Variants in SLC13A1 observed in about 807,000 individuals in gnomAD.
The protein encoded by SLC13A1 is solute carrier family 13 member 1.
A neutral mutation model predicts 70.0 loss-of-function variants in SLC13A1; 65 were observed. The ratio of observed to expected loss-of-function variants is 0.93; its 90% CI spans 0.76 to 1.14. The LOEUF (loss-of-function observed/expected upper bound fraction) is 1.14, where lower values mean the gene tolerates loss of function less well. SLC13A1 is among the 50% of genes most tolerant of loss of function. The pLI is 0.00. For missense variants in SLC13A1, 726 were observed against 717.8 expected, an observed-to-expected ratio of 1.01 and a Z score of -0.13; for synonymous variants, 275 against 250.5, an observed-to-expected ratio of 1.10 and a Z score of -0.92.
In SLC13A1 at chr7:123,147,251, C is replaced by G. The variant is rs142604571; in HGVS notation, c.720G>C (p.Thr240=). The G allele has an allele frequency of 6.2e-7, 1 of 1,613,536 alleles. No homozygotes were observed. The highest frequency in any genetic ancestry group is 1.3e-5 in the African/African-American group (1 of 74,902). The change falls in exon 7 of 15, where the codon ACG becomes ACC. Residue 240 remains threonine (T), a synonymous_variant. Coordinates refer to ENST00000194130, the MANE Select transcript of SLC13A1 (RefSeq NM_022444.4). The stretch of plus-strand genomic sequence containing the variant: ...TAGAAGAGTAGGCAATGCACAAACA[C>G]GTAAGTTTACGTGTCACGTGGCCCT... ...TKKGHVTRKL[T]CLCIAYSSTI...
chr7:123,173,708 T>C (rs968366051), intron 2 of SLC13A1, among the ~76,000 whole-genome samples: 2 of 152,192 alleles, frequency 1.3e-5, no homozygotes, highest in African/African-American at 4.8e-5. Flanking sequence ...TCTGTTTTGC[T>C]AGCCAAACCA....
intron 6 of SLC13A1, among the ~76,000 whole-genome samples, chr7:123,158,021 G>A (rs1794768933): frequency 6.6e-6 from 1 of 152,054 alleles, no homozygotes; most frequent in South Asian, 2.1e-4. Flanking sequence ...AAGAGAAATA[G>A]CAATATAATT....
chr7:123,122,368 A>G (rs1273406466), intron 12 of SLC13A1, among the ~76,000 whole-genome samples: 2 of 152,184 alleles, frequency 1.3e-5, no homozygotes, highest in African/African-American at 4.8e-5. Context: ...GAATATTTCA[A>G]ATAAGTCTAT....
In SLC13A1 at chr7:123,130,564, G is replaced by T. The variant is rs138243258; in HGVS notation, c.933-1083C>A. Among the ~76,000 whole-genome samples, 384 of 152,196 alleles carry T rather than the reference G, an allele frequency of 2.5e-3. 1 individual carries two copies. The highest frequency in any genetic ancestry group is 8.6e-3 in the African/African-American group (358 of 41,540). Reference sequence around the variant, plus strand: ...GAACAACACACACTGGGGCCTGTCAGGGGTGTGGAGGGAGGGAGAGCATCA... The same window carrying T: ...GAACAACACACACTGGGGCCTGTCATGGGTGTGGAGGGAGGGAGAGCATCA... On this transcript the variant is annotated intron_variant, in intron 8 of 14. Coordinates refer to ENST00000194130, the MANE Select transcript of SLC13A1 (RefSeq NM_022444.4).
chr7:123,173,584 T>C (rs1332137979), intron 2 of SLC13A1, among the ~76,000 whole-genome samples: 1 of 152,124 alleles, frequency 6.6e-6, no homozygotes, highest in Non-Finnish European at 1.5e-5. Context: ...TATATTTTTC[T>C]GTATCATAGA....
At chr7:123,198,060 A>G (rs990889955) in intron 1 of SLC13A1, among the ~76,000 whole-genome samples, 6 of 152,084 alleles carry the variant, frequency 3.9e-5, no homozygotes, top group Admixed American at 2.0e-4. Context: ...ACTCAAAAAT[A>G]TTAAAATATA....
intron 7 of SLC13A1, among the ~76,000 whole-genome samples, chr7:123,136,459 A>G (rs1035748899): frequency 2.6e-5 from 4 of 152,154 alleles, no homozygotes; most frequent in Non-Finnish European, 5.9e-5. Flanking sequence ...TTTTGCTGTG[A>G]TGTTCCTTTT....
At chr7:123,129,544 G>A in intron 8 of SLC13A1, 63 bp from the exon 9 acceptor site, 1 of 1,273,530 alleles carries the variant, frequency 7.9e-7, no homozygotes, top group South Asian at 1.2e-5. Context: ...CTGTAAGGAA[G>A]ATATTTTTGT....
intron 6 of SLC13A1, among the ~76,000 whole-genome samples, chr7:123,147,726 G>T (rs1015820038): frequency 1.3e-5 from 2 of 152,152 alleles, no homozygotes; most frequent in African/African-American, 4.8e-5. Context: ...GGTGATATGA[G>T]CTGACTAATA....
intron 3 of SLC13A1, among the ~76,000 whole-genome samples, chr7:123,170,975 C>A (rs574466418): frequency 6.6e-6 from 1 of 151,290 alleles, no homozygotes; most frequent in Admixed American, 6.6e-5. Flanking sequence ...TTGTATTTAG[C>A]AAAACAATTT....
At chr7:123,116,923 G>A (rs893433035) in intron 14 of SLC13A1, among the ~76,000 whole-genome samples, 3 of 152,092 alleles carry the variant, frequency 2.0e-5, no homozygotes, top group Non-Finnish European at 4.4e-5. Context: ...TTTGTATTTG[G>A]CAAAAATGTG....
chr7:123,124,709 TGAG>T (rs1392327653), intron 11 of SLC13A1, among the ~76,000 whole-genome samples: 2 of 151,664 alleles, frequency 1.3e-5, no homozygotes. Context: ...GTGTGTGTGT[TGAG>T]AGGATGGTAT....
chr7:123,145,173 C>T (rs138328639), intron 7 of SLC13A1, among the ~76,000 whole-genome samples: 69 of 152,130 alleles, frequency 4.5e-4, no homozygotes, highest in Non-Finnish European at 8.2e-4. Context: ...TGTGCCAGAC[C>T]CTCTGCTAGA....
At chr7:123,118,976 C>T (rs1793272758) in intron 13 of SLC13A1, 105 bp downstream of exon 13, 1 of 956,908 alleles carries the variant, frequency 1.0e-6, no homozygotes, top group Non-Finnish European at 1.5e-6. Flanking sequence ...TACAGGAGGC[C>T]CATTTAGACC....
chr7:123,188,861 A>G (rs1253887344), intron 1 of SLC13A1, among the ~76,000 whole-genome samples: 2 of 152,016 alleles, frequency 1.3e-5, no homozygotes, highest in East Asian at 3.9e-4. Flanking sequence ...CACGCCTGTA[A>G]TCCCAGCACT....
intron 7 of SLC13A1, among the ~76,000 whole-genome samples, chr7:123,138,621 G>T (rs1255719797): frequency 4.6e-5 from 7 of 152,082 alleles, no homozygotes. Context: ...TTTACCTGGG[G>T]TGAGATGATA....
chr7:123,185,663 T>C (rs1795774504), intron 1 of SLC13A1, among the ~76,000 whole-genome samples: 1 of 152,138 alleles, frequency 6.6e-6, no homozygotes, highest in African/African-American at 2.4e-5. Context: ...GCCACTGCCA[T>C]GCTGTTTTGG....
chr7:123,132,379 CT>C, intron 8 of SLC13A1, among the ~76,000 whole-genome samples: 1 of 152,026 alleles, frequency 6.6e-6, no homozygotes, highest in Non-Finnish European at 1.5e-5. Flanking sequence ...CTTTTCTTTT[CT>C]TTTCTTTTGA....
chr7:123,195,150 G>A (rs1193326548), intron 1 of SLC13A1, among the ~76,000 whole-genome samples: 1 of 152,050 alleles, frequency 6.6e-6, no homozygotes, highest in Non-Finnish European at 1.5e-5. Flanking sequence ...TAAAATATTT[G>A]TGAAATAAAA....
Sources: gnomAD v4.1 joint callset for allele counts (sites outside exome capture counted in the v4.1 genomes callset) on GRCh38, gnomAD v4.1.1 for gene constraint, MANE v1.5 for transcripts, NCBI Gene and HGNC (gene_info 2026-07-23, HGNC 2026-07-21) for gene names.